The following ECPAS variants were observed in gnomAD, a reference collection of about 807,000 sequenced individuals.
The protein encoded by ECPAS is Ecm29 proteasome adaptor and scaffold.
In ECPAS, 70 loss-of-function variants were observed where a neutral mutation model predicts 255.1. That is an observed-to-expected ratio of 0.27 (90% CI 0.23 to 0.33). The LOEUF is 0.33. ECPAS is among the 10% of genes least tolerant of loss of function. ECPAS has a pLI of 1.00. For synonymous variants in ECPAS, 784 were observed against 775.0 expected (o/e 1.01, Z -0.19); for missense variants, 1,817 against 2,206.4 (o/e 0.82, Z 3.54).
chr9:111,417,832 TTTCATCATCCA>T, intron 17 of ECPAS, 40 bp downstream of exon 17: 1 of 1,460,304 alleles, frequency 6.8e-7, no homozygotes, highest in Non-Finnish European at 9.1e-7. Flanking sequence ...ATGTTTTTAT[TTTCATCATCCA>T]TTATGATTTA....
At chr9:111,482,917 G>A (rs1564575788) in intron 1 of ECPAS, among the ~76,000 whole-genome samples, 1 of 152,120 alleles carries the variant, frequency 6.6e-6, no homozygotes. Context: ...ACGATCGAGG[G>A]GGCACTAACT....
chr9:111,474,645 C>A (rs935745041), intron 1 of ECPAS, among the ~76,000 whole-genome samples: 10 of 152,228 alleles, frequency 6.6e-5, no homozygotes, highest in African/African-American at 2.4e-4. Flanking sequence ...CAAACTAGTT[C>A]TGTTGGCATT....
chr9:111,404,960 G>C (rs542471601), intron 24 of ECPAS, among the ~76,000 whole-genome samples: 1 of 149,090 alleles, frequency 6.7e-6, no homozygotes, highest in East Asian at 2.0e-4. Context: ...GATTGAAATC[G>C]TATTATTAAA....
In ECPAS at chr9:111,411,137, C is replaced by T. The variant is rs759120585; in HGVS notation, c.2220G>A (p.Pro740=). The T allele has an allele frequency of 8.1e-6, 13 of 1,613,364 alleles. No homozygotes were observed. Among genetic ancestry groups the T allele is most frequent in the South Asian group, 6.6e-5 (6 of 91,042 alleles). Reference sequence around the variant, plus strand: ...CAAGCAAGGATCCATGCTGTATCTCCGGGCTCTGAATTTAGCAAAAACAAT... The same window carrying T: ...CAAGCAAGGATCCATGCTGTATCTCTGGGCTCTGAATTTAGCAAAAACAAT... ...LIKTTKDNHS[P]EIQHGSLLAL... is the part of the protein sequence containing the mutation. The change falls in exon 22 of 50, where the codon CCG becomes CCA. Residue 740 remains proline, a synonymous_variant. Transcript: ENST00000684092.
At chr9:111,410,514 CTTTG>C (rs2098192351) in intron 22 of ECPAS, among the ~76,000 whole-genome samples, 2 of 151,630 alleles carry the variant, frequency 1.3e-5, no homozygotes, top group South Asian at 4.2e-4. Flanking sequence ...TTGTTTTTTG[CTTTG>C]TTTGTTTTGG....
In ECPAS at chr9:111,414,508, T is replaced by C. The variant is rs1298741506; in HGVS notation, c.1908A>G (p.Ser636=). 5.6e-6 allele frequency: 9 copies of C among 1,613,972 alleles called. No homozygotes were observed. In the South Asian group the frequency reaches 6.6e-5, roughly 12 times the overall value. Residue 636 remains serine (S), a synonymous_variant, in exon 19 of 50, where the codon TCA becomes TCG. Transcript: ENST00000684092. ...TLMSSGQMAP[S]SSNKSGETNP... Reference sequence around the variant, plus strand: ...TAGTCTCCCCACTCTTGTTAGATGATGAGGGTGCCATCTGCCCGCTTGACA... The same window carrying C: ...TAGTCTCCCCACTCTTGTTAGATGACGAGGGTGCCATCTGCCCGCTTGACA...
At chr9:111,379,403 AAT>A (rs1478221166) in intron 35 of ECPAS, among the ~76,000 whole-genome samples, 1 of 152,254 alleles carries the variant, frequency 6.6e-6, no homozygotes, top group African/African-American at 2.4e-5. Flanking sequence ...TTAACTTTAA[AAT>A]ATCTTAATGC....
chr9:111,402,532 T>C (rs1046292574), intron 24 of ECPAS, among the ~76,000 whole-genome samples: 11 of 152,224 alleles, frequency 7.2e-5, no homozygotes, highest in African/African-American at 2.7e-4. Flanking sequence ...TTAGAGTATC[T>C]TCAGTATCCT....
At chr9:111,435,638 G>A (rs1341705213) in intron 7 of ECPAS, among the ~76,000 whole-genome samples, 1 of 151,102 alleles carries the variant, frequency 6.6e-6, no homozygotes, top group African/African-American at 2.4e-5. Context: ...TACGGTGCCT[G>A]TCACATAGAT....
chr9:111,429,123 G>A (rs1347279789), intron 9 of ECPAS, among the ~76,000 whole-genome samples: 1 of 151,870 alleles, frequency 6.6e-6, no homozygotes, highest in Non-Finnish European at 1.5e-5. Flanking sequence ...GAAGTAACAA[G>A]CTCATTTTTT....
intron 24 of ECPAS, among the ~76,000 whole-genome samples, chr9:111,404,989 A>C (rs1242481337): frequency 6.7e-6 from 1 of 149,496 alleles, no homozygotes; most frequent in Admixed American, 6.6e-5. Context: ...ACTACCAAAA[A>C]CGATCTACAG....
chr9:111,363,780 AT>A (rs76745403), intron 48 of ECPAS, 121 bp from the exon 49 acceptor site: 27,867 of 449,228 alleles, frequency 0.062, no homozygotes, highest in South Asian at 0.075. Context: ...GGTATATCTG[AT>A]TTTTTTTTTT....
At chr9:111,405,530 A>G (rs2098182744) in intron 24 of ECPAS, among the ~76,000 whole-genome samples, 1 of 149,860 alleles carries the variant, frequency 6.7e-6, no homozygotes, top group Non-Finnish European at 1.5e-5. Flanking sequence ...CAACTAAAGC[A>G]AAAATTGACA....
chr9:111,373,105 G>C, intron 41 of ECPAS, 65 bp downstream of exon 41: 1 of 1,215,606 alleles, frequency 8.2e-7, no homozygotes, highest in South Asian at 1.2e-5. Context: ...GACCTAATTT[G>C]TACTGTTTTA....
chr9:111,407,692 T>A (rs1466509351), intron 24 of ECPAS, among the ~76,000 whole-genome samples: 1 of 152,082 alleles, frequency 6.6e-6, no homozygotes, highest in Non-Finnish European at 1.5e-5. Context: ...AAACCTCTCC[T>A]CCAAAGACAT....
chr9:111,379,035 A>G (rs1245284912), intron 35 of ECPAS, among the ~76,000 whole-genome samples: 5 of 152,242 alleles, frequency 3.3e-5, no homozygotes, highest in Admixed American at 1.3e-4. Context: ...AGGAATTTAT[A>G]GTAGGCATGA....
At chr9:111,375,252 AC>A in intron 37 of ECPAS, 50 bp from the exon 38 acceptor site, 1 of 1,416,962 alleles carries the variant, frequency 7.1e-7, no homozygotes, top group Non-Finnish European at 1.0e-6. Context: ...ATAAGTCAGG[AC>A]CACATCTTCA....
chr9:111,375,455 AATG>A (rs1311507358), intron 37 of ECPAS, among the ~76,000 whole-genome samples: 1 of 152,220 alleles, frequency 6.6e-6, no homozygotes, highest in African/African-American at 2.4e-5. Flanking sequence ...AAAGAAAAAT[AATG>A]ATTACTCAAG....
chr9:111,457,252 G>A (rs565218605), intron 2 of ECPAS, among the ~76,000 whole-genome samples: 1 of 152,220 alleles, frequency 6.6e-6, no homozygotes, highest in Non-Finnish European at 1.5e-5. Flanking sequence ...TACAGTAAAT[G>A]ACAACTCTTT....
Sources: gnomAD v4.1 joint callset for allele counts (sites outside exome capture counted in the v4.1 genomes callset) on GRCh38, gnomAD v4.1.1 for gene constraint, MANE v1.5 for transcripts, NCBI Gene and HGNC (gene_info 2026-07-23, HGNC 2026-07-21) for gene names.